The following ANO1 variants were observed in gnomAD, a reference collection of about 807,000 sequenced individuals.
ANO1 encodes anoctamin 1.
Under a neutral mutation model 124.0 loss-of-function variants are expected in ANO1, and 59 were observed. The observed-to-expected ratio is 0.48, with a 90% CI of 0.39 to 0.59. ANO1 has a LOEUF of 0.59. ANO1 is among the 20% of genes least tolerant of loss of function. The pLI, the probability that ANO1 is intolerant of heterozygous loss-of-function variation, is 0.00. For synonymous variants in ANO1, 529 were observed against 532.0 expected, an observed-to-expected ratio of 0.99 and a Z score of 0.08; for missense variants, 1,059 against 1,328.0, an observed-to-expected ratio of 0.80 and a Z score of 3.15.
In ANO1 at chr11:70,149,773, C is replaced by G; in HGVS notation, c.1322C>G (p.Thr441Arg). 6.2e-7 allele frequency: 1 copy of G among 1,613,754 alleles called. No individual in the cohort carries two copies. Among genetic ancestry groups the G allele is most frequent in the Non-Finnish European group, 8.5e-7 (1 of 1,179,842 alleles). ...QMRLNYRWDL[T>R]GFEEEEEAVK... ...CGACTCAACTACCGCTGGGACCTCA[C>G]GGGCTTTGAAGAGGAAGAGGTCAGT... is the stretch of plus-strand genomic sequence containing the variant. Residue 441 changes from threonine (T) to arginine (R), a missense_variant, in exon 12 of 26, where the codon ACG becomes AGG. By Grantham distance (71) the Thr-to-Arg change is moderately conservative. This residue lies in a region of ANO1 where 809 missense variants were observed against 1,094.9 expected (regional missense o/e 0.74). Transcript: ENST00000355303.
intron 1 of ANO1, among the ~76,000 whole-genome samples, chr11:70,011,317 A>T (rs571518953): frequency 3.9e-5 from 6 of 152,290 alleles, no homozygotes; most frequent in Admixed American, 3.3e-4. Flanking sequence ...AGTGGGTGTC[A>T]GGACATTTAG....
At chr11:70,136,690 T>C (rs906264992) in intron 11 of ANO1, among the ~76,000 whole-genome samples, 2 of 147,526 alleles carry the variant, frequency 1.4e-5, no homozygotes, top group Non-Finnish European at 3.0e-5. Context: ...GAAGCCGCCC[T>C]CAGACACGCT....
intron 1 of ANO1, among the ~76,000 whole-genome samples, chr11:70,023,925 G>C (rs1856847351): frequency 6.6e-6 from 1 of 152,210 alleles, no homozygotes; most frequent in Non-Finnish European, 1.5e-5. Context: ...AGAAAATGCA[G>C]GTGGTTCACT....
At chr11:70,079,051 C>T (rs1027161053) in intron 1 of ANO1, among the ~76,000 whole-genome samples, 3 of 152,116 alleles carry the variant, frequency 2.0e-5, no homozygotes, top group Non-Finnish European at 4.4e-5. Flanking sequence ...CAAGAGCTCA[C>T]GGCTGGCGCC....
upstream of ANO1, among the ~76,000 whole-genome samples, chr11:69,984,355 C>T (rs1292394542): frequency 3.0e-5 from 1 of 32,858 alleles, no homozygotes; most frequent in African/African-American, 6.5e-5. Context: ...CACTTGAGTG[C>T]CTGTGTGGGA....
intron 2 of ANO1, among the ~76,000 whole-genome samples, chr11:70,095,445 A>C (rs2044909240): frequency 6.7e-6 from 1 of 150,018 alleles, no homozygotes; most frequent in Non-Finnish European, 1.5e-5. Context: ...AGAAAGAAAG[A>C]GGGAAAGAAA....
At chr11:70,053,507 GT>G (rs1217356692) in intron 1 of ANO1, among the ~76,000 whole-genome samples, 13 of 151,950 alleles carry the variant, frequency 8.6e-5, no homozygotes, top group African/African-American at 2.2e-4. Flanking sequence ...GATCATTTGG[GT>G]TTTTTTCTCC....
At chr11:70,148,738 C>T (rs1180654576) in intron 11 of ANO1, among the ~76,000 whole-genome samples, 2 of 152,174 alleles carry the variant, frequency 1.3e-5, no homozygotes, top group African/African-American at 4.8e-5. Context: ...GTTGCTCATT[C>T]GGTGCCCACT....
At chr11:70,120,925 C>T (rs941897740) in intron 8 of ANO1, among the ~76,000 whole-genome samples, 13 of 152,248 alleles carry the variant, frequency 8.5e-5, no homozygotes, top group South Asian at 2.1e-4. Context: ...GCCTGCTCAC[C>T]GGGGCTAAGG....
chr11:70,049,964 A>G (rs998389823), intron 1 of ANO1, among the ~76,000 whole-genome samples: 3 of 152,100 alleles, frequency 2.0e-5, no homozygotes, highest in Admixed American at 6.6e-5. Context: ...CAGGTGATCC[A>G]CCCGCCTTGG....
At chr11:70,023,654 G>T (rs1041785133) in intron 1 of ANO1, among the ~76,000 whole-genome samples, 1 of 152,192 alleles carries the variant, frequency 6.6e-6, no homozygotes, top group African/African-American at 2.4e-5. Context: ...ACACTGCAAG[G>T]CTGCCCATTG....
At chr11:70,123,614 G>A (rs1040186781) in intron 8 of ANO1, among the ~76,000 whole-genome samples, 1 of 152,162 alleles carries the variant, frequency 6.6e-6, no homozygotes, top group Non-Finnish European at 1.5e-5. Context: ...CTCCTGGTGG[G>A]CAGCTGCTCT....
chr11:70,166,608 C>CCT (rs2048264829), intron 20 of ANO1, among the ~76,000 whole-genome samples: 2 of 152,196 alleles, frequency 1.3e-5, no homozygotes, highest in South Asian at 4.1e-4. Flanking sequence ...TTTCCATGAT[C>CCT]TGTGTCCTTC....
At chr11:69,993,236 T>G (rs1856190323) in intron 1 of ANO1, among the ~76,000 whole-genome samples, 2 of 152,212 alleles carry the variant, frequency 1.3e-5, no homozygotes, top group Non-Finnish European at 1.5e-5. Context: ...AAGACTTAAT[T>G]CTTTCCCTTT....
In ANO1 at chr11:70,019,248, CA is replaced by C. The variant is rs1565162209; in HGVS notation, c.58+33083del. On this transcript the variant is annotated intron_variant, in intron 1 of 27. Transcript: ENST00000531349. ...GGAGGGAAAGAAGAACCCCCCCACACACACACACACACACATTCACTCCCCC... is the reference window on the plus strand; with the variant it reads ...GGAGGGAAAGAAGAACCCCCCCACACCACACACACACACATTCACTCCCCC... Among the ~76,000 whole-genome samples the C allele has an allele frequency of 1.4e-4, 11 of 77,136 alleles. No individual in the cohort carries two copies. The South Asian group carries it at 2.1e-3, about 15-fold the overall frequency. The allele number at this position is 77,136 out of a possible 152,430, so 50.6% of individuals were successfully genotyped here. A position where few individuals can be genotyped will look rare whatever the true frequency, so the allele number is the denominator to read the frequency against.
chr11:69,976,888 G>T, the ANO1 span, among the ~76,000 whole-genome samples: 3 of 152,206 alleles, frequency 2.0e-5, no homozygotes, highest in African/African-American at 7.2e-5. Context: ...GGTCAGGCCT[G>T]GTGTTTGCCG....
intron 6 of ANO1, 60 bp downstream of exon 6, chr11:70,108,464 G>T: frequency 6.4e-7 from 1 of 1,567,954 alleles, no homozygotes; most frequent in Non-Finnish European, 8.8e-7. Context: ...TCTCACCTCC[G>T]AGTCATCTCT....
chr11:70,157,162 T>A (rs1168181264), intron 16 of ANO1, 141 bp downstream of exon 16: 5 of 682,450 alleles, frequency 7.3e-6, no homozygotes, highest in South Asian at 1.8e-5. Context: ...AGGTCAGGAG[T>A]TCGAGACCAG....
intron 8 of ANO1, among the ~76,000 whole-genome samples, chr11:70,121,721 C>G (rs926125847): frequency 5.4e-5 from 8 of 148,626 alleles, no homozygotes; most frequent in Admixed American, 6.7e-5. Flanking sequence ...ATCTCTGCCT[C>G]TCCATCTGCT....
Sources: allele counts gnomAD v4.1 joint callset (sites outside exome capture counted in the v4.1 genomes callset), GRCh38; gene constraint gnomAD v4.1.1; regional missense constraint gnomAD v4.1.1; transcripts MANE v1.5; gene names NCBI Gene and HGNC (gene_info 2026-07-23, HGNC 2026-07-21).